Variants in ARHGEF3 observed in about 807,000 individuals in gnomAD.
ARHGEF3 encodes the protein Rho guanine nucleotide exchange factor 3.
ARHGEF3 carries 28 observed loss-of-function variants against 63.2 expected under a neutral mutation model. That is an observed-to-expected ratio of 0.44 (90% confidence interval 0.33 to 0.61). The LOEUF (loss-of-function observed/expected upper bound fraction) is 0.61, where lower values mean the gene tolerates loss of function less well. Among genes scored for constraint, ARHGEF3 ranks in the 20% least tolerant of loss-of-function variants. The pLI is 0.03. For synonymous variants in ARHGEF3, 266 were observed against 254.2 expected (o/e 1.05, Z -0.44); for missense variants, 533 against 659.3 (o/e 0.81, Z 2.10).
intron 4 of ARHGEF3, among the ~76,000 whole-genome samples, chr3:56,854,117 C>T (rs1342799597): frequency 1.3e-5 from 2 of 152,086 alleles, no homozygotes; most frequent in Non-Finnish European, 2.9e-5. Context: ...ATGGTGTGAA[C>T]CCGAGAGGCA....
chr3:56,762,780 A>G (rs909007016), intron 2 of ARHGEF3, among the ~76,000 whole-genome samples: 1 of 152,130 alleles, frequency 6.6e-6, no homozygotes, highest in African/African-American at 2.4e-5. Flanking sequence ...AAACTCTCCT[A>G]TGTTGCCACT....
In ARHGEF3 at chr3:56,825,181, T is replaced by G. The variant is rs563168003; in HGVS notation, c.193-51365A>C. 3.3e-5 allele frequency among the ~76,000 whole-genome samples: 5 copies of G among 152,330 alleles called. No individual in the cohort carries two copies. In the East Asian group the frequency reaches 9.6e-4, roughly 29 times the overall value. The stretch of plus-strand genomic sequence containing the variant: ...CTATTGTGAAAACTGCATGAGATGA[T>G]GCAGTGAAGGCACAGGGCACAGTGC... On this transcript the variant is annotated intron_variant, in intron 4 of 12. Transcript: ENST00000338458.
At chr3:57,027,157 A>G (rs1703511320) in intron 2 of ARHGEF3, among the ~76,000 whole-genome samples, 1 of 152,210 alleles carries the variant, frequency 6.6e-6, no homozygotes, top group East Asian at 1.9e-4. Context: ...AGCATTTCTT[A>G]CCACACTGAA....
rs552361598 is a variant in ARHGEF3, at chr3:56,796,469, T to C, written c.96+5234A>G. ...AGAATTCTGCCAAAGACCAGCTCCTTGGTCTTGAGAAACACAAAATGAAAA... is the reference window on the plus strand; with the variant it reads ...AGAATTCTGCCAAAGACCAGCTCCTCGGTCTTGAGAAACACAAAATGAAAA... On this transcript the variant is annotated intron_variant, in intron 1 of 9. Coordinates refer to ENST00000296315, the MANE Select transcript of ARHGEF3 (RefSeq NM_019555.3). 5.3e-5 allele frequency among the ~76,000 whole-genome samples: 8 copies of C among 152,332 alleles called. No individual in the cohort carries two copies. In the South Asian group the frequency reaches 1.7e-3, roughly 32 times the overall value.
intron 7 of ARHGEF3, among the ~76,000 whole-genome samples, chr3:56,741,927 T>G (rs985223898): frequency 2.0e-5 from 3 of 152,320 alleles, no homozygotes; most frequent in African/African-American, 7.2e-5. Context: ...AATTTATTGT[T>G]GCATCTCTCA....
intron 3 of ARHGEF3, among the ~76,000 whole-genome samples, chr3:56,955,309 C>A (rs1189900121): frequency 6.6e-6 from 1 of 152,032 alleles, no homozygotes; most frequent in Non-Finnish European, 1.5e-5. Context: ...GATCCTCCCA[C>A]CTCAGCTTCC....
rs1357526170 is a variant in ARHGEF3, at chr3:56,732,348, T to G, written c.1118A>C (p.Gln373Pro). The G allele has an allele frequency of 6.2e-7, 1 of 1,614,232 alleles. No individual in the cohort carries two copies. Among genetic ancestry groups the G allele is most frequent in the Non-Finnish European group, 8.5e-7 (1 of 1,180,046 alleles). The change falls in exon 9 of 10, where the codon CAG becomes CCG. Residue 373 changes from glutamine (Q) to proline (P), a missense_variant. This residue lies in a region of ARHGEF3 where 151 missense variants were observed against 190.7 expected (regional missense o/e 0.79). Coordinates refer to ENST00000296315, the MANE Select transcript of ARHGEF3 (RefSeq NM_019555.3). ...AVTHNEQLCY[Q>P]LYRQPIPVKD... Reference sequence around the variant, plus strand: ...CACGGGGATTGGCTGACGGTACAGCTGGTAGCAAAGCTGCTCATTGTGGGT... The same window carrying G: ...CACGGGGATTGGCTGACGGTACAGCGGGTAGCAAAGCTGCTCATTGTGGGT...
intron 4 of ARHGEF3, among the ~76,000 whole-genome samples, chr3:56,809,542 T>C (rs1028414597): frequency 1.3e-5 from 2 of 152,194 alleles, no homozygotes. Context: ...GTAAGAAACC[T>C]GACCTTCTCC....
At chr3:57,047,215 G>C (rs1453695751) in intron 1 of ARHGEF3, among the ~76,000 whole-genome samples, 1 of 152,182 alleles carries the variant, frequency 6.6e-6, no homozygotes, top group Non-Finnish European at 1.5e-5. Flanking sequence ...GGGCGTGGTA[G>C]CATGAGCCTG....
intron 3 of ARHGEF3, among the ~76,000 whole-genome samples, chr3:56,897,311 AC>A (rs1469352067): frequency 1.3e-5 from 2 of 152,116 alleles, no homozygotes; most frequent in African/African-American, 4.8e-5. Context: ...ACTTTTTGAT[AC>A]AAAAAGATGT....
At chr3:56,989,528 G>C (rs1457566273) in intron 2 of ARHGEF3, among the ~76,000 whole-genome samples, 1 of 152,180 alleles carries the variant, frequency 6.6e-6, no homozygotes, top group Admixed American at 6.5e-5. Flanking sequence ...CTGTGCCCAG[G>C]GGGCAGGGGG....
chr3:57,017,888 T>G (rs1579100889), intron 2 of ARHGEF3, among the ~76,000 whole-genome samples: 1 of 152,170 alleles, frequency 6.6e-6, no homozygotes, highest in African/African-American at 2.4e-5. Flanking sequence ...AGTGCTAACA[T>G]GAATAGGAAG....
At chr3:56,829,029 C>T (rs529447523) in intron 4 of ARHGEF3, among the ~76,000 whole-genome samples, 8 of 152,238 alleles carry the variant, frequency 5.3e-5, no homozygotes, top group African/African-American at 7.2e-5. Flanking sequence ...CGGGTTCAAG[C>T]GATTCTCCTG....
intron 3 of ARHGEF3, among the ~76,000 whole-genome samples, chr3:56,933,151 C>T (rs941136626): frequency 3.3e-5 from 5 of 152,164 alleles, no homozygotes; most frequent in African/African-American, 1.2e-4. Context: ...CAGTCAACAC[C>T]TATCAGAAGG....
At chr3:56,876,580 A>G (rs937552900) in intron 4 of ARHGEF3, among the ~76,000 whole-genome samples, 12 of 152,186 alleles carry the variant, frequency 7.9e-5, no homozygotes, top group African/African-American at 2.9e-4. Flanking sequence ...ACAACAATAC[A>G]TGGATCTCAA....
At chr3:56,900,083 C>T (rs2108305928) in intron 3 of ARHGEF3, among the ~76,000 whole-genome samples, 1 of 152,238 alleles carries the variant, frequency 6.6e-6, no homozygotes, top group Admixed American at 6.5e-5. Context: ...GAAGTGAAGG[C>T]TGATGGATCT....
At chr3:56,771,976 C>T (rs898598889) in intron 2 of ARHGEF3, among the ~76,000 whole-genome samples, 3 of 152,140 alleles carry the variant, frequency 2.0e-5, no homozygotes, top group Non-Finnish European at 4.4e-5. Context: ...GGGATGCCTG[C>T]GATGAACTTG....
intron 1 of ARHGEF3, among the ~76,000 whole-genome samples, chr3:57,057,643 TGTAAAA>T (rs1705002754): frequency 6.6e-6 from 1 of 152,008 alleles, no homozygotes; most frequent in Admixed American, 6.6e-5. Context: ...TTTTTTAAAA[TGTAAAA>T]GTTTAAATAC....
intron 4 of ARHGEF3, among the ~76,000 whole-genome samples, chr3:56,861,865 GTTT>G (rs10707315): frequency 1.7e-4 from 24 of 141,744 alleles, no homozygotes; most frequent in African/African-American, 2.8e-4. Flanking sequence ...TAACCTGTTG[GTTT>G]TTTTTTTTTT....
Sources: allele counts gnomAD v4.1 joint callset (sites outside exome capture counted in the v4.1 genomes callset), GRCh38; gene constraint gnomAD v4.1.1; regional missense constraint gnomAD v4.1.1; transcripts MANE v1.5; gene names NCBI Gene and HGNC (gene_info 2026-07-23, HGNC 2026-07-21).